The following MED27 variants were observed in gnomAD, a reference collection of about 807,000 sequenced individuals.
MED27 encodes mediator of RNA polymerase II transcription subunit 27.
MED27 carries 30 observed loss-of-function variants against 38.2 expected under a neutral mutation model. The observed-to-expected ratio is 0.79, with a 90% CI of 0.59 to 1.07. The LOEUF (loss-of-function observed/expected upper bound fraction) is 1.07, where lower values mean the gene tolerates loss of function less well. Ranked by LOEUF, MED27 falls within the 50% of genes least tolerant of loss-of-function variation. The pLI, the probability that MED27 is intolerant of heterozygous loss-of-function variation, is 0.00. For missense variants in MED27, 289 were observed against 397.5 expected (o/e 0.73, Z 2.32); for synonymous variants, 122 against 153.5 (o/e 0.79, Z 1.52).
intron 6 of MED27, chr9:131,868,569 C>G: frequency 3.0e-6 from 3 of 984,038 alleles, no homozygotes; most frequent in Non-Finnish European, 3.6e-6. Context: ...CGCCACTGCG[C>G]CCGGCCCACT....
intron 3 of MED27, among the ~76,000 whole-genome samples, chr9:131,947,253 A>C (rs548502752): frequency 6.6e-6 from 1 of 152,294 alleles, no homozygotes; most frequent in South Asian, 2.1e-4. Context: ...CACCAACAAC[A>C]GCAACCAGAG....
intron 6 of MED27, among the ~76,000 whole-genome samples, chr9:131,877,415 C>T (rs1838955773): frequency 6.6e-6 from 1 of 151,956 alleles, no homozygotes; most frequent in African/African-American, 2.4e-5. Context: ...AAAATACACA[C>T]ACACACACAA....
At chr9:131,963,409 T>C (rs1348614350) in intron 3 of MED27, among the ~76,000 whole-genome samples, 2 of 151,862 alleles carry the variant, frequency 1.3e-5, no homozygotes, top group African/African-American at 2.4e-5. Flanking sequence ...AACTTAAACA[T>C]GAAAATTTTT....
At chr9:131,901,301 C>T (rs1829943629) in intron 4 of MED27, among the ~76,000 whole-genome samples, 1 of 152,170 alleles carries the variant, frequency 6.6e-6, no homozygotes, top group Admixed American at 6.5e-5. Flanking sequence ...CTGTGTGCAA[C>T]ACTGGGCAAG....
intron 2 of MED27, among the ~76,000 whole-genome samples, chr9:132,026,465 T>G (rs1290517912): frequency 6.6e-6 from 1 of 151,786 alleles, no homozygotes; most frequent in Non-Finnish European, 1.5e-5. Context: ...AGTGTGGGGG[T>G]TTTTGTGTAT....
intron 3 of MED27, among the ~76,000 whole-genome samples, chr9:131,967,657 A>G (rs1355638747): frequency 1.3e-5 from 2 of 150,876 alleles, no homozygotes; most frequent in African/African-American, 2.4e-5. Context: ...AAGCCCAGCT[A>G]ATTTTGTATT....
At chr9:132,055,443 C>CA (rs764273435) in intron 2 of MED27, among the ~76,000 whole-genome samples, 8 of 152,138 alleles carry the variant, frequency 5.3e-5, no homozygotes, top group Admixed American at 2.0e-4. Flanking sequence ...ACTTTATAAA[C>CA]AAAATACAGT....
intron 4 of MED27, among the ~76,000 whole-genome samples, chr9:131,914,890 T>C (rs567311228): frequency 6.6e-6 from 1 of 152,276 alleles, no homozygotes; most frequent in Admixed American, 6.5e-5. Context: ...AATTTACCAA[T>C]GGATTGATTG....
chr9:132,057,842 G>A (rs921681762), intron 2 of MED27, among the ~76,000 whole-genome samples: 4 of 152,162 alleles, frequency 2.6e-5, no homozygotes, highest in African/African-American at 7.2e-5. Context: ...GGACTGTGGC[G>A]CCCAGTGAGT....
intron 5 of MED27, among the ~76,000 whole-genome samples, chr9:131,887,549 C>T (rs1370816320): frequency 2.0e-5 from 3 of 152,192 alleles, no homozygotes; most frequent in South Asian, 4.1e-4. Flanking sequence ...TGCCCTGCCT[C>T]TCCTCAGGGC....
intron 3 of MED27, among the ~76,000 whole-genome samples, chr9:131,994,849 G>T (rs1832056627): frequency 1.3e-5 from 2 of 152,252 alleles, no homozygotes; most frequent in South Asian, 4.1e-4. Context: ...GTTGCCTGGG[G>T]GAATCCTACA....
At position 131,862,384 on chromosome 9, in the gene MED27, C is replaced by T. The variant is rs1838666652; in HGVS notation, c.801+679G>A. Among the ~76,000 whole-genome samples the T allele has an allele frequency of 6.6e-6, 1 of 152,196 alleles. No homozygotes were observed. Among genetic ancestry groups the T allele is most frequent in the African/African-American group, 2.4e-5 (1 of 41,436 alleles). Reference sequence around the variant, plus strand: ...CTGGCGTGAGAGCATGACGGTGGAACAGCTGGCGGCTACGTCTGTCAAGGA... The same window carrying T: ...CTGGCGTGAGAGCATGACGGTGGAATAGCTGGCGGCTACGTCTGTCAAGGA... On this transcript the variant is annotated intron_variant, in intron 7 of 7. Coordinates refer to ENST00000292035, the MANE Select transcript of MED27 (RefSeq NM_004269.4). The surrounding 1 kb of genome is among the most constrained non-coding windows in gnomAD (Gnocchi z 4.6).
chr9:131,870,745 T>G (rs1589171035), intron 6 of MED27, among the ~76,000 whole-genome samples: 1 of 152,270 alleles, frequency 6.6e-6, no homozygotes, highest in East Asian at 1.9e-4. Flanking sequence ...GAGATGGGAT[T>G]GGATAACAAG....
At chr9:131,934,899 G>C (rs1224834075) in intron 4 of MED27, among the ~76,000 whole-genome samples, 2 of 152,212 alleles carry the variant, frequency 1.3e-5, no homozygotes, top group African/African-American at 4.8e-5. Flanking sequence ...ACAAGATCTT[G>C]TCATCTGCAA....
chr9:132,055,562 G>T (rs1234403828), intron 2 of MED27, among the ~76,000 whole-genome samples: 1 of 152,064 alleles, frequency 6.6e-6, no homozygotes, highest in Non-Finnish European at 1.5e-5. Flanking sequence ...TTTAGATGTG[G>T]GTCAACTCAC....
intron 4 of MED27, among the ~76,000 whole-genome samples, chr9:131,924,783 GT>G (rs1408407476): frequency 6.6e-6 from 1 of 152,060 alleles, no homozygotes; most frequent in African/African-American, 2.4e-5. Context: ...TTTTTGTGGT[GT>G]TTTCCTATCC....
At chr9:131,991,825 G>A (rs111769363) in intron 3 of MED27, among the ~76,000 whole-genome samples, 3,564 of 152,182 alleles carry the variant, frequency 0.023, 116 homozygotes, top group East Asian at 0.082. Context: ...AGGTTCAAGC[G>A]ATTCTCCTGC....
intron 3 of MED27, among the ~76,000 whole-genome samples, chr9:131,969,178 G>GC (rs1416710952): frequency 7.3e-6 from 1 of 137,924 alleles, no homozygotes; most frequent in South Asian, 2.3e-4. Context: ...CCCCGCTCCT[G>GC]CCCCCCACAC....
Position 132,040,651 on chromosome 9 carries a change from C to A in MED27, c.349-26184G>T, listed in dbSNP as rs1160503955. On this transcript the variant is annotated intron_variant, in intron 2 of 7. Coordinates refer to ENST00000292035, the MANE Select transcript of MED27 (RefSeq NM_004269.4). ...ACCTTCCAGCCCATCAGGCTTCAAT[C>A]TGGTCAAGGACATGAAGGTCCCAGC... Among the ~76,000 whole-genome samples the A allele has an allele frequency of 2.0e-5, 3 of 152,220 alleles. No individual in the cohort carries two copies. In the South Asian group the frequency reaches 6.2e-4, roughly 32 times the overall value.
Sources: allele counts gnomAD v4.1 joint callset (sites outside exome capture counted in the v4.1 genomes callset), GRCh38; gene constraint gnomAD v4.1.1; non-coding constraint Gnocchi (gnomAD v3.1); transcripts MANE v1.5; gene names NCBI Gene and HGNC (gene_info 2026-07-23, HGNC 2026-07-21).